SRPK2: variants seen among roughly 807,000 people sequenced by gnomAD.
SRPK2 encodes SRSF protein kinase 2, also known as SFRS protein kinase 2.
SRPK2 carries 21 observed loss-of-function variants against 90.8 expected under a neutral mutation model. The ratio of observed to expected loss-of-function variants is 0.23; its 90% CI spans 0.16 to 0.33. The LOEUF (loss-of-function observed/expected upper bound fraction) is 0.33, where lower values mean the gene tolerates loss of function less well. Ranked by LOEUF, SRPK2 falls within the 10% of genes least tolerant of loss-of-function variation. The pLI, the probability that SRPK2 is intolerant of heterozygous loss-of-function variation, is 1.00. For missense variants in SRPK2, 620 were observed against 869.0 expected, an observed-to-expected ratio of 0.71 and a Z score of 3.60; for synonymous variants, 288 against 311.1, an observed-to-expected ratio of 0.93 and a Z score of 0.78.
chr7:105,390,203 A>G (rs972644868), upstream of SRPK2, among the ~76,000 whole-genome samples: 1 of 152,196 alleles, frequency 6.6e-6, no homozygotes, highest in African/African-American at 2.4e-5. Flanking sequence ...TCAGAATTCC[A>G]TGATCACTCC....
chr7:105,366,489 C>A (rs1189849718), intron 2 of SRPK2, among the ~76,000 whole-genome samples: 1 of 151,712 alleles, frequency 6.6e-6, no homozygotes, highest in Admixed American at 6.6e-5. Context: ...TCTACCTCAG[C>A]CTCCCAAGCA....
intron 3 of SRPK2, among the ~76,000 whole-genome samples, chr7:105,191,815 A>G (rs1174391364): frequency 6.6e-6 from 1 of 151,846 alleles, no homozygotes; most frequent in Non-Finnish European, 1.5e-5. Context: ...TTCCTTAAAT[A>G]TAGCACTTCC....
intron 6 of SRPK2, among the ~76,000 whole-genome samples, chr7:105,163,826 T>C (rs1003177565): frequency 5.9e-5 from 9 of 151,528 alleles, no homozygotes; most frequent in African/African-American, 2.2e-4. Flanking sequence ...AAAAAAAAAG[T>C]TTGCACCCTA....
upstream of SRPK2, chr7:105,389,479 C>T: frequency 9.1e-7 from 1 of 1,103,286 alleles, no homozygotes; most frequent in Non-Finnish European, 1.1e-6. Flanking sequence ...ATTTTCTCTC[C>T]CACCTCTAAG....
At chr7:105,378,636 A>C (rs2132605462) in intron 2 of SRPK2, among the ~76,000 whole-genome samples, 1 of 151,970 alleles carries the variant, frequency 6.6e-6, no homozygotes. Flanking sequence ...GGTGGCACAC[A>C]CCTGTAGTCC....
chr7:105,372,754 A>T (rs1819844486), intron 2 of SRPK2, among the ~76,000 whole-genome samples: 1 of 152,068 alleles, frequency 6.6e-6, no homozygotes, highest in African/African-American at 2.4e-5. Context: ...ATATGTAATA[A>T]TTTTTCCTCT....
At chr7:105,334,425 T>G (rs866328428) in intron 2 of SRPK2, among the ~76,000 whole-genome samples, 1 of 145,306 alleles carries the variant, frequency 6.9e-6, no homozygotes, top group Non-Finnish European at 1.5e-5. Context: ...TGTTTCACCA[T>G]GTTGGCCAGG....
intron 7 of SRPK2, among the ~76,000 whole-genome samples, chr7:105,154,902 T>C (rs753870281): frequency 6.8e-4 from 104 of 152,104 alleles, no homozygotes; most frequent in Non-Finnish European, 2.4e-4. Context: ...CTAGAACTCC[T>C]GACCTCATGA....
At chr7:105,364,455 C>T (rs949280114) in intron 2 of SRPK2, among the ~76,000 whole-genome samples, 2 of 146,904 alleles carry the variant, frequency 1.4e-5, no homozygotes, top group African/African-American at 2.5e-5. Flanking sequence ...GGCTGGAGTG[C>T]GGTGCCATGA....
chr7:105,309,715 C>G (rs762985801), intron 2 of SRPK2, among the ~76,000 whole-genome samples: 25 of 152,098 alleles, frequency 1.6e-4, no homozygotes, highest in Admixed American at 6.6e-5. Context: ...TAAAATATCT[C>G]CAATTTTAAA....
At chr7:105,360,465 T>A (rs1238102400) in intron 2 of SRPK2, among the ~76,000 whole-genome samples, 2 of 152,246 alleles carry the variant, frequency 1.3e-5, no homozygotes, top group Non-Finnish European at 2.9e-5. Flanking sequence ...AGTTTCCTCA[T>A]AGCATCGATG....
intron 9 of SRPK2, 197 bp from the exon 10 acceptor site, chr7:105,143,527 C>T (rs376896425): frequency 1.7e-5 from 11 of 653,654 alleles, no homozygotes; most frequent in South Asian, 6.1e-5. Flanking sequence ...ACTGATATCA[C>T]GTACTAGGTC....
At chr7:105,169,301 T>C in intron 3 of SRPK2, 36 bp from the exon 4 acceptor site, 1 of 1,528,340 alleles carries the variant, frequency 6.5e-7, no homozygotes, top group Non-Finnish European at 9.0e-7. Flanking sequence ...AAATTCAAAA[T>C]ATTCGAAAAG....
At position 105,171,097 on chromosome 7, in the gene SRPK2, C is replaced by G. The variant is rs76090969; in HGVS notation, c.230-1832G>C. 2.5e-3 allele frequency among the ~76,000 whole-genome samples: 367 copies of G among 149,400 alleles called. 7 individuals are homozygous for G. The East Asian group carries it at 0.05, about 20-fold the overall frequency. On this transcript the variant is annotated intron_variant, in intron 3 of 15. Coordinates refer to ENST00000393651, the MANE Select transcript of SRPK2 (RefSeq NM_182692.3). ...AGAAAGGGGAGGGGAGGGGAGGGGA[C>G]GGGAAGGGAGAGGAAGAAATCAGCT... is the stretch of plus-strand genomic sequence containing the variant.
At chr7:105,248,411 C>T (rs999396843) in intron 2 of SRPK2, among the ~76,000 whole-genome samples, 2 of 139,314 alleles carry the variant, frequency 1.4e-5, no homozygotes, top group Middle Eastern at 3.6e-3. Flanking sequence ...AGCAACACAG[C>T]GAGATGCCAT....
At chr7:105,191,383 T>C (rs987094083) in intron 3 of SRPK2, among the ~76,000 whole-genome samples, 29 of 152,076 alleles carry the variant, frequency 1.9e-4, no homozygotes, top group African/African-American at 6.5e-4. Flanking sequence ...ACAGCCTGGG[T>C]AACATAGTGA....
chr7:105,338,051 TA>T (rs948810606), intron 2 of SRPK2, among the ~76,000 whole-genome samples: 1 of 136,678 alleles, frequency 7.3e-6, no homozygotes, highest in Admixed American at 7.5e-5. Context: ...TTCCTATAAT[TA>T]AAAAAAACTT....
intron 7 of SRPK2, among the ~76,000 whole-genome samples, chr7:105,150,536 C>T (rs1331902292): frequency 6.6e-6 from 1 of 152,062 alleles, no homozygotes; most frequent in Non-Finnish European, 1.5e-5. Context: ...AGAAAAAAAG[C>T]AAATAAAATG....
intron 3 of SRPK2, among the ~76,000 whole-genome samples, chr7:105,197,706 T>C (rs1279190401): frequency 6.6e-6 from 1 of 152,072 alleles, no homozygotes; most frequent in East Asian, 1.9e-4. Flanking sequence ...CTATGATAAG[T>C]TGGGGATGCG....
Sources: allele counts gnomAD v4.1 joint callset (sites outside exome capture counted in the v4.1 genomes callset), GRCh38; gene constraint gnomAD v4.1.1; transcripts MANE v1.5; gene names NCBI Gene and HGNC (gene_info 2026-07-23, HGNC 2026-07-21).